The following RFX3 variants were observed in gnomAD, a reference collection of about 807,000 sequenced individuals.
The protein encoded by RFX3 is regulatory factor X3.
A neutral mutation model predicts 98.6 loss-of-function variants in RFX3; 14 were observed. The ratio of observed to expected loss-of-function variants is 0.14; its 90% CI spans 0.09 to 0.22. The LOEUF is 0.22. Among genes scored for constraint, RFX3 ranks in the 10% least tolerant of loss-of-function variants. RFX3 has a pLI of 1.00. For missense variants in RFX3, 639 were observed against 926.9 expected (o/e 0.69, Z 4.03); for synonymous variants, 383 against 328.4 (o/e 1.17, Z -1.80).
At chr9:3,241,451 C>T (rs969730367) in intron 15 of RFX3, among the ~76,000 whole-genome samples, 1 of 152,086 alleles carries the variant, frequency 6.6e-6, no homozygotes, top group Non-Finnish European at 1.5e-5. Flanking sequence ...AAGAAAGCCA[C>T]GCATAGGAAG....
chr9:3,422,279 A>G (rs1843514037), intron 1 of RFX3, among the ~76,000 whole-genome samples: 2 of 152,320 alleles, frequency 1.3e-5, no homozygotes, highest in South Asian at 4.1e-4. Context: ...AACAATGGCT[A>G]TGTTCTACAT....
intron 14 of RFX3, among the ~76,000 whole-genome samples, chr9:3,255,998 G>A (rs902249807): frequency 2.0e-5 from 3 of 150,942 alleles, no homozygotes; most frequent in Non-Finnish European, 4.4e-5. Flanking sequence ...ACGGAGTCTC[G>A]CTCTGTCGCC....
At chr9:3,406,469 C>A (rs1454778678) in intron 1 of RFX3, among the ~76,000 whole-genome samples, 1 of 152,006 alleles carries the variant, frequency 6.6e-6, no homozygotes, top group East Asian at 1.9e-4. Flanking sequence ...ACTATCTTTA[C>A]TCAGTACACA....
In RFX3 at chr9:3,440,470, T is replaced by C. The variant is rs116225113; in HGVS notation, c.-8-44874A>G. Among the ~76,000 whole-genome samples the C allele has an allele frequency of 8.3e-3, 1,266 of 152,130 alleles. 11 individuals carry two copies. The highest frequency in any genetic ancestry group is 0.029 in the African/African-American group (1,207 of 41,534). The stretch of plus-strand genomic sequence containing the variant: ...AGTTATTAAAACCTAAAAGCTGCAA[T>C]TAAAAAAATAAATTTATAATAGCAT... On this transcript the variant is annotated intron_variant, in intron 1 of 16. Transcript: ENST00000617270.
chr9:3,385,507 A>C (rs1839612947), intron 2 of RFX3, among the ~76,000 whole-genome samples: 1 of 152,018 alleles, frequency 6.6e-6, no homozygotes, highest in Non-Finnish European at 1.5e-5. Flanking sequence ...GGTGAGTTCA[A>C]GACTAGCCTG....
chr9:3,422,574 G>A (rs969737753), intron 1 of RFX3, among the ~76,000 whole-genome samples: 1 of 152,186 alleles, frequency 6.6e-6, no homozygotes, highest in African/African-American at 2.4e-5. Flanking sequence ...TCTTTTAAGT[G>A]ATTTACAGAT....
At chr9:3,478,997 G>A (rs944182038) in intron 1 of RFX3, among the ~76,000 whole-genome samples, 2 of 152,144 alleles carry the variant, frequency 1.3e-5, no homozygotes, top group Non-Finnish European at 1.5e-5. Flanking sequence ...TGCAAGTTGG[G>A]ACAAAATATT....
intron 4 of RFX3, among the ~76,000 whole-genome samples, chr9:3,316,870 G>C (rs1164165645): frequency 6.6e-6 from 1 of 152,106 alleles, no homozygotes; most frequent in African/African-American, 2.4e-5. Flanking sequence ...AATAAAAGAA[G>C]ACACAAATAA....
rs1477069641 is a variant in RFX3, at chr9:3,218,806, A to C, written c.*6236T>G. ...CATAATATATTCAGTCGATTGTAAAATAAATGTTCAAATATCTCCTAGTGT... is the reference window on the plus strand; with the variant it reads ...CATAATATATTCAGTCGATTGTAAACTAAATGTTCAAATATCTCCTAGTGT... On this transcript the variant is annotated 3_prime_UTR_variant, in exon 17 of 17. Coordinates refer to ENST00000617270, the MANE Select transcript of RFX3 (RefSeq NM_001282116.2). 6.6e-6 allele frequency: 1 copy of C among 152,202 alleles called. No individual in the cohort carries two copies. The highest frequency in any genetic ancestry group is 1.5e-5 in the Non-Finnish European group (1 of 68,024). The allele number at this position is 152,202 out of a possible 1,614,324, so 9.4% of individuals were successfully genotyped here.
At chr9:3,304,865 C>A (rs1829093594) in intron 4 of RFX3, among the ~76,000 whole-genome samples, 1 of 151,848 alleles carries the variant, frequency 6.6e-6, no homozygotes, top group African/African-American at 2.4e-5. Flanking sequence ...CTACTTGTAA[C>A]AAAAATACAA....
Position 3,277,356 on chromosome 9 carries a change from A to G in RFX3, c.957T>C (p.His319=), listed in dbSNP as rs199765108. The change falls in exon 8 of 17, where the codon CAT becomes CAC. Residue 319 remains histidine (H), a synonymous_variant. Coordinates refer to ENST00000617270, the MANE Select transcript of RFX3 (RefSeq NM_001282116.2). ...VEQTVIAQSQ[H]HQQFLDASRA... ...TTAACATACCTAAAAACTGTTGATG[A>G]TGTTGGCTTTGGGCAATTACAGTTT... 6.2e-7 allele frequency: 1 copy of G among 1,612,664 alleles called. No homozygotes were observed. Among genetic ancestry groups the G allele is most frequent in the African/African-American group, 1.3e-5 (1 of 74,950 alleles).
chr9:3,493,726 T>C lies in RFX3; in HGVS notation c.-9+32021A>G, dbSNP rs931975931. Among the ~76,000 whole-genome samples the C allele has an allele frequency of 3.8e-3, 513 of 135,480 alleles. 2 individuals are homozygous for C. Among genetic ancestry groups the C allele is most frequent in the Non-Finnish European group, 4.8e-3 (300 of 63,114 alleles). The allele number at this position is 135,480 out of a possible 152,430, so 88.9% of individuals were successfully genotyped here. A position where few individuals can be genotyped will look rare whatever the true frequency, so the allele number is the denominator to read the frequency against. On this transcript the variant is annotated intron_variant, in intron 1 of 16. Transcript: ENST00000617270. Reference sequence around the variant, plus strand: ...ATATATATATATATATATATATATATACATACATACACACACACACTGGCT... The same window carrying C: ...ATATATATATATATATATATATATACACATACATACACACACACACTGGCT...
intron 1 of RFX3, among the ~76,000 whole-genome samples, chr9:3,468,874 A>G (rs1479115251): frequency 6.6e-6 from 1 of 151,940 alleles, no homozygotes; most frequent in African/African-American, 2.4e-5. Context: ...CTTTCATTAC[A>G]AAATATTAAA....
chr9:3,329,424 A>AC (rs1230379265), intron 4 of RFX3, among the ~76,000 whole-genome samples: 1 of 150,132 alleles, frequency 6.7e-6, no homozygotes, highest in Non-Finnish European at 1.5e-5. Context: ...AAAAAAAAAA[A>AC]AAAACAAAAA....
chr9:3,394,332 A>G (rs575678543), intron 2 of RFX3, among the ~76,000 whole-genome samples: 22 of 152,158 alleles, frequency 1.4e-4, no homozygotes, highest in South Asian at 1.0e-3. Flanking sequence ...GCGTGGTGGC[A>G]GGCACCTGTA....
At chr9:3,374,820 T>C (rs1299268003) in intron 2 of RFX3, among the ~76,000 whole-genome samples, 2 of 151,428 alleles carry the variant, frequency 1.3e-5, no homozygotes, top group Non-Finnish European at 2.9e-5. Flanking sequence ...TTAAAAATGG[T>C]TAAGATGGTA....
rs1473625222 is a variant in RFX3, at chr9:3,273,801, GT to G, written c.1086+1698del. Among the ~76,000 whole-genome samples the G allele has an allele frequency of 4.0e-5, 6 of 150,462 alleles. 1 individual carries two copies. The highest frequency in any genetic ancestry group is 1.2e-4 in the African/African-American group (5 of 40,608). ...AATCGCTTGAACCCAGGAGGCGGTG[GT>G]TGCAGTGAGCCGAGATCGCACTACT... On this transcript the variant is annotated intron_variant, in intron 9 of 16. Transcript: ENST00000617270.
At chr9:3,312,649 T>C (rs1043267174) in intron 4 of RFX3, among the ~76,000 whole-genome samples, 1 of 151,416 alleles carries the variant, frequency 6.6e-6, no homozygotes, top group Admixed American at 6.6e-5. Flanking sequence ...CAGCTCCCAT[T>C]GTGAGCAACG....
chr9:3,423,623 T>C (rs1009996436), intron 1 of RFX3, among the ~76,000 whole-genome samples: 6 of 151,814 alleles, frequency 4.0e-5, no homozygotes, highest in African/African-American at 1.5e-4. Flanking sequence ...CAGATCAGTG[T>C]TTGCCTGGGG....
Sources: allele counts gnomAD v4.1 joint callset (sites outside exome capture counted in the v4.1 genomes callset), GRCh38; gene constraint gnomAD v4.1.1; transcripts MANE v1.5; gene names NCBI Gene and HGNC (gene_info 2026-07-23, HGNC 2026-07-21).